Variants in NLGN1 observed in about 807,000 individuals in gnomAD.
NLGN1 encodes neuroligin-1.
A neutral mutation model predicts 65.5 loss-of-function variants in NLGN1; 12 were observed. That is an observed-to-expected ratio of 0.18 (90% confidence interval 0.12 to 0.30). The LOEUF (loss-of-function observed/expected upper bound fraction) is 0.30, where lower values mean the gene tolerates loss of function less well. NLGN1 is among the 10% of genes least tolerant of loss of function. The pLI is 1.00. For synonymous variants in NLGN1, 350 were observed against 359.5 expected (o/e 0.97, Z 0.30); for missense variants, 750 against 1,007.1 (o/e 0.74, Z 3.46).
intron 2 of NLGN1, among the ~76,000 whole-genome samples, chr3:173,462,368 C>T (rs1723550934): frequency 6.6e-6 from 1 of 152,126 alleles, no homozygotes; most frequent in African/African-American, 2.4e-5. Flanking sequence ...CTTTCTCCTC[C>T]AAACCACTCT....
chr3:174,273,043 C>CTATT (rs1476218476), intron 4 of NLGN1, among the ~76,000 whole-genome samples: 1 of 150,842 alleles, frequency 6.6e-6, no homozygotes, highest in Non-Finnish European at 1.5e-5. Context: ...AAACACAAAG[C>CTATT]TATTTGACTA....
At chr3:173,944,125 GT>G (rs1579330437) in intron 4 of NLGN1, among the ~76,000 whole-genome samples, 59 of 36,540 alleles carry the variant, frequency 1.6e-3, no homozygotes, top group East Asian at 9.4e-3. Context: ...AATATTATGG[GT>G]GTGTGTGTGT....
rs550391817 is a variant in NLGN1 at position 173,665,433 on chromosome 3, G to A, written c.493+60342G>A. On this transcript the variant is annotated intron_variant, in intron 3 of 6. Coordinates refer to ENST00000457714, the Ensembl canonical transcript of NLGN1. ...TTCCCTTTATAAATTACTCAGTCTC[G>A]GGTATGTCTTTATTAGCAGCTTGAG... Among the ~76,000 whole-genome samples, 16 of 152,184 alleles carry A rather than the reference G, an allele frequency of 1.1e-4. No individual in the cohort carries two copies. In the South Asian group the frequency reaches 1.9e-3, roughly 18 times the overall value.
intron 4 of NLGN1, among the ~76,000 whole-genome samples, chr3:173,946,251 G>A (rs1414803367): frequency 6.6e-6 from 1 of 152,128 alleles, no homozygotes; most frequent in Non-Finnish European, 1.5e-5. Flanking sequence ...CAATCATGCA[G>A]AGATAACCAA....
intron 2 of NLGN1, among the ~76,000 whole-genome samples, chr3:173,445,283 A>C (rs9758272): frequency 0.61 from 83,779 of 137,466 alleles, 26,793 homozygotes; most frequent in East Asian, 0.89. Flanking sequence ...AAAAAAAAAA[A>C]AAAAAAAAAA....
intron 2 of NLGN1, among the ~76,000 whole-genome samples, chr3:173,600,798 A>G (rs77631645): frequency 0.029 from 4,378 of 151,652 alleles, 90 homozygotes; most frequent in Middle Eastern, 0.041. Flanking sequence ...ATGTCTTTCA[A>G]TTCTCCTTAA....
At chr3:174,177,884 C>G (rs1729730091) in intron 4 of NLGN1, among the ~76,000 whole-genome samples, 1 of 152,018 alleles carries the variant, frequency 6.6e-6, no homozygotes, top group African/African-American at 2.4e-5. Flanking sequence ...ACAGCCTAGA[C>G]AGCAATACTG....
At chr3:173,932,951 G>T (rs1288854544) in intron 4 of NLGN1, among the ~76,000 whole-genome samples, 1 of 152,106 alleles carries the variant, frequency 6.6e-6, no homozygotes, top group Admixed American at 6.6e-5. Context: ...CTGAAATTAA[G>T]AAATATTAAT....
intron 4 of NLGN1, among the ~76,000 whole-genome samples, chr3:174,190,380 T>G (rs898340231): frequency 6.6e-5 from 10 of 152,008 alleles, no homozygotes; most frequent in African/African-American, 2.2e-4. Flanking sequence ...AAACATGCAA[T>G]TTTTGAAGGT....
chr3:173,723,074 G>A (rs1771127043), intron 3 of NLGN1, among the ~76,000 whole-genome samples: 1 of 152,162 alleles, frequency 6.6e-6, no homozygotes, highest in African/African-American at 2.4e-5. Context: ...AGAATGAACT[G>A]CAGAGGCAAA....
At chr3:173,841,501 G>C (rs1442597178) in intron 4 of NLGN1, among the ~76,000 whole-genome samples, 2 of 152,158 alleles carry the variant, frequency 1.3e-5, no homozygotes, top group Non-Finnish European at 2.9e-5. Context: ...GTGAGATAGT[G>C]AGGTGATAAT....
At chr3:174,195,170 G>GT (rs1256219463) in intron 4 of NLGN1, among the ~76,000 whole-genome samples, 1 of 152,076 alleles carries the variant, frequency 6.6e-6, no homozygotes, top group African/African-American at 2.4e-5. Context: ...CAAAGATCAT[G>GT]TTTTTTACTC....
At chr3:173,432,537 G>C (rs1717379568) in intron 1 of NLGN1, among the ~76,000 whole-genome samples, 1 of 152,082 alleles carries the variant, frequency 6.6e-6, no homozygotes, top group South Asian at 2.1e-4. Context: ...TTGGTGAGGT[G>C]TTTACTAAGG....
downstream of NLGN1, among the ~76,000 whole-genome samples, chr3:174,290,169 A>G (rs1292882663): frequency 6.6e-6 from 1 of 150,690 alleles, no homozygotes; most frequent in Non-Finnish European, 1.5e-5. Flanking sequence ...AGGGTCAGGA[A>G]TAGCCAAGAT....
intron 4 of NLGN1, among the ~76,000 whole-genome samples, chr3:173,855,136 A>G (rs1258846085): frequency 6.6e-6 from 1 of 152,080 alleles, no homozygotes; most frequent in Non-Finnish European, 1.5e-5. Flanking sequence ...AAATTCTTCT[A>G]AGAACATTAT....
intron 3 of NLGN1, among the ~76,000 whole-genome samples, chr3:173,757,351 A>G (rs1021561043): frequency 6.6e-5 from 10 of 151,262 alleles, no homozygotes; most frequent in African/African-American, 2.2e-4. Context: ...ATATTAAGAA[A>G]TATTCTTGTA....
At chr3:174,277,144 A>C (rs1192416081) in intron 5 of NLGN1, among the ~76,000 whole-genome samples, 1 of 151,862 alleles carries the variant, frequency 6.6e-6, no homozygotes, top group Non-Finnish European at 1.5e-5. Flanking sequence ...AAAGACATCA[A>C]CTTAGGTTTG....
chr3:173,498,500 G>A (rs1305089661), intron 2 of NLGN1, among the ~76,000 whole-genome samples: 1 of 151,776 alleles, frequency 6.6e-6, no homozygotes, highest in Non-Finnish European at 1.5e-5. Context: ...TGTGAATAGT[G>A]CCGCAATAAA....
chr3:174,160,149 A>C (rs2152718684), intron 4 of NLGN1, among the ~76,000 whole-genome samples: 1 of 151,616 alleles, frequency 6.6e-6, no homozygotes, highest in Non-Finnish European at 1.5e-5. Context: ...TTACTTTTTT[A>C]CTCTTTCAGT....
Sources: gnomAD v4.1 joint callset for allele counts (sites outside exome capture counted in the v4.1 genomes callset) on GRCh38, gnomAD v4.1.1 for gene constraint, MANE v1.5 for transcripts, NCBI Gene and HGNC (gene_info 2026-07-23, HGNC 2026-07-21) for gene names.